The following CEP76 variants were observed in gnomAD, a reference collection of about 807,000 sequenced individuals.
CEP76 encodes centrosomal protein of 76 kDa.
A neutral mutation model predicts 83.3 loss-of-function variants in CEP76; 55 were observed. That is an observed-to-expected ratio of 0.66 (90% CI 0.53 to 0.83). The LOEUF is 0.83. Ranked by LOEUF, CEP76 falls within the 40% of genes least tolerant of loss-of-function variation. The pLI, the probability that CEP76 is intolerant of heterozygous loss-of-function variation, is 0.00. For missense variants in CEP76, 694 were observed against 799.5 expected, an observed-to-expected ratio of 0.87 and a Z score of 1.59; for synonymous variants, 270 against 274.5, an observed-to-expected ratio of 0.98 and a Z score of 0.16.
intron 8 of CEP76, among the ~76,000 whole-genome samples, chr18:12,683,186 C>CAAAAAAAAAAAAAAAAAAAAAAAA (rs765652085): frequency 1.6e-4 from 10 of 63,678 alleles, no homozygotes; most frequent in Non-Finnish European, 2.2e-4. Context: ...CTAAAAATAC[C>CAAAAAAAAAAAAAAAAAAAAAAAA]AAAAAAAAAA....
At chr18:12,680,982 T>C (rs2039327210) in intron 8 of CEP76, among the ~76,000 whole-genome samples, 154 bp from the exon 9 acceptor site, 1 of 152,140 alleles carries the variant, frequency 6.6e-6, no homozygotes, top group Non-Finnish European at 1.5e-5. Context: ...GTGGATCACA[T>C]GACGTCAGGA....
intron 12 of CEP76, among the ~76,000 whole-genome samples, chr18:12,666,199 ACACCTATATTCC>A (rs2038800162): frequency 6.6e-6 from 1 of 151,920 alleles, no homozygotes; most frequent in African/African-American, 2.4e-5. Context: ...ATGGTGGCAT[ACACCTATATTCC>A]CAGCTACTTA....
rs1028788423 is a variant in CEP76 at position 12,686,164 on chromosome 18, A to C, written c.1122+98T>G. ...AACCTGTGGGTACAGAGGGTTGACT[A>C]TATGTGCATTTTTCTAAGGCATTCT... On this transcript the variant is annotated intron_variant, in intron 8 of 11. Coordinates refer to ENST00000262127, the MANE Select transcript of CEP76 (RefSeq NM_024899.4). 6.5e-6 allele frequency: 6 copies of C among 925,666 alleles called. No homozygotes were observed. In the African/African-American group the frequency reaches 8.3e-5, roughly 13 times the overall value. 57.3% of individuals were successfully genotyped at this position (925,666 alleles called of 1,614,324 possible). A position where few individuals can be genotyped will look rare whatever the true frequency, so the allele number is the denominator to read the frequency against.
rs919389028 is a variant in CEP76 at position 12,674,428 on chromosome 18, C to T, written c.1841+108G>A. 12 of 765,610 alleles carry T rather than the reference C, an allele frequency of 1.6e-5. No homozygotes were observed. In the African/African-American group the frequency reaches 1.9e-4, roughly 12 times the overall value. The allele number at this position is 765,610 out of a possible 1,614,324, so 47.4% of individuals were successfully genotyped here. On this transcript the variant is annotated intron_variant, in intron 11 of 11. Transcript: ENST00000262127. ...CTGTACTCCAGCATGGGCAGCAGAGCAAGACCTTGAGTTAAAAAAAAAAAA... is the reference window on the plus strand; with the variant it reads ...CTGTACTCCAGCATGGGCAGCAGAGTAAGACCTTGAGTTAAAAAAAAAAAA...
At position 12,680,951 on chromosome 18, in the gene CEP76, C is replaced by CA. The variant is rs918920016; in HGVS notation, c.1123-124dup. The CA allele has an allele frequency of 2.8e-5, 25 of 879,404 alleles. No homozygotes were observed. In the African/African-American group the frequency reaches 4.3e-4, roughly 15 times the overall value. 54.5% of individuals were successfully genotyped at this position (879,404 alleles called of 1,614,324 possible). On this transcript the variant is annotated intron_variant, in intron 8 of 11. Transcript: ENST00000262127. ...CAGTGGCTCACGCCTGTAATCCCAA[C>CA]ACTTTGGGAGGCCAAGGCGGGTGGA... is the stretch of plus-strand genomic sequence containing the variant.
chr18:12,700,975 C>T lies in CEP76; in HGVS notation c.202G>A (p.Glu68Lys). 1 of 1,613,242 alleles carries T rather than the reference C, an allele frequency of 6.2e-7. No individual in the cohort carries two copies. The highest frequency in any genetic ancestry group is 1.3e-5 in the African/African-American group (1 of 75,006). ...TTACTCACAGTAACAAAATTAAGTTCTTTCATCACATCGTCAATGATTCCT... is the reference window on the plus strand; with the variant it reads ...TTACTCACAGTAACAAAATTAAGTTTTTTCATCACATCGTCAATGATTCCT... ...RRGIIDDVMK[E>K]LNFVTDSVEQ... The change falls in exon 2 of 12, where the codon GAA becomes AAA. Residue 68 changes from glutamate (E) to lysine (K), a missense_variant. Glu to Lys is a moderately conservative substitution (Grantham distance 56, BLOSUM62 1). Transcript: ENST00000262127.
chr18:12,680,686 A>G lies in CEP76; in HGVS notation c.1265T>C (p.Phe422Ser), dbSNP rs1447649768. 1 of 1,612,712 alleles carries G rather than the reference A, an allele frequency of 6.2e-7. No individual in the cohort carries two copies. Among genetic ancestry groups the G allele is most frequent in the East Asian group, 2.2e-5 (1 of 44,794 alleles). The change falls in exon 9 of 12, where the codon TTT becomes TCT. Residue 422 changes from phenylalanine to serine, a missense_variant. Coordinates refer to ENST00000262127, the MANE Select transcript of CEP76 (RefSeq NM_024899.4). ...CCTGTGTCCTGTTAAACTCTCCCAA[A>G]AAGTGATGGCCCCATCAGTTCCACA... The part of the protein sequence containing the change: ...MTCGTDGAIT[F>S]WESLTGHRYI...
chr18:12,695,464 TA>T (rs1408864140), intron 5 of CEP76, 113 bp from the exon 6 acceptor site: 4 of 480,498 alleles, frequency 8.3e-6, no homozygotes, highest in Non-Finnish European at 1.5e-5. Context: ...TTACATGGAA[TA>T]AAGATAACAT....
intron 1 of CEP76, among the ~76,000 whole-genome samples, chr18:12,702,121 C>G (rs2040176498): frequency 6.6e-6 from 1 of 152,162 alleles, no homozygotes; most frequent in South Asian, 2.1e-4. Flanking sequence ...GAGACTCCGT[C>G]TCAAGAAAGA....
chr18:12,701,775 G>A (rs2040161083), intron 1 of CEP76, among the ~76,000 whole-genome samples: 1 of 152,172 alleles, frequency 6.6e-6, no homozygotes, highest in Non-Finnish European at 1.5e-5. Flanking sequence ...ACTTATTTGA[G>A]AATTGCTGAT....
chr18:12,687,332 G>GA (rs975951123), intron 7 of CEP76, among the ~76,000 whole-genome samples: 5 of 149,016 alleles, frequency 3.4e-5, no homozygotes, highest in South Asian at 2.1e-4. Flanking sequence ...CTTTAGCAAG[G>GA]AAAAAAAAAC....
Position 12,678,116 on chromosome 18 carries a change from T to C in CEP76, c.1616A>G (p.His539Arg). The change falls in exon 10 of 12, where the codon CAC becomes CGC. Residue 539 changes from histidine (H) to arginine (R), a missense_variant. Transcript: ENST00000262127. ...EMQLRLLVSE[H>R]RKDLGLTTVW... ...TATTTCAGTGTGAATTACCTTCCTG[T>C]GTTCTGACACCAGGAGCCTCAGCTG... The C allele has an allele frequency of 6.2e-7, 1 of 1,608,734 alleles. No homozygotes were observed. Among genetic ancestry groups the C allele is most frequent in the Non-Finnish European group, 8.5e-7 (1 of 1,175,172 alleles).
rs542145323 is a variant in CEP76 at position 12,678,785 on chromosome 18, G to A, written c.1290-343C>T. On this transcript the variant is annotated intron_variant, in intron 9 of 11. Transcript: ENST00000262127. ...AACCTGACCAACATGGTGAAACCCC[G>A]TCTCTGCTAAAAATACAAAAATTAG... 8.6e-5 allele frequency among the ~76,000 whole-genome samples: 13 copies of A among 151,986 alleles called. No homozygotes were observed. In the East Asian group the frequency reaches 9.7e-4, roughly 11 times the overall value.
chr18:12,695,565 C>T (rs1427525735), intron 5 of CEP76, among the ~76,000 whole-genome samples: 1 of 151,902 alleles, frequency 6.6e-6, no homozygotes, highest in Non-Finnish European at 1.5e-5. Context: ...ATTTTCTTAG[C>T]TTTCTGACAC....
At chr18:12,689,832 C>T (rs1014809144) in intron 7 of CEP76, among the ~76,000 whole-genome samples, 1 of 152,110 alleles carries the variant, frequency 6.6e-6, no homozygotes, top group Non-Finnish European at 1.5e-5. Flanking sequence ...CTCTGTTGCC[C>T]AGGCTGGAGT....
chr18:12,665,751 G>A (rs1036681487), intron 12 of CEP76, among the ~76,000 whole-genome samples: 4 of 152,082 alleles, frequency 2.6e-5, no homozygotes, highest in African/African-American at 9.7e-5. Flanking sequence ...AGACTGGAGT[G>A]CATTGGCACA....
chr18:12,669,604 T>A (rs1467195875), downstream of CEP76, among the ~76,000 whole-genome samples: 1 of 152,318 alleles, frequency 6.6e-6, no homozygotes, highest in Non-Finnish European at 1.5e-5. Flanking sequence ...ATACATATTG[T>A]CAAGAACACC....
downstream of CEP76, among the ~76,000 whole-genome samples, chr18:12,671,915 G>C (rs775889604): frequency 1.9e-4 from 29 of 152,140 alleles, no homozygotes; most frequent in South Asian, 1.2e-3. Flanking sequence ...CCGCCTCCCA[G>C]GTTCAAGCGA....
chr18:12,667,788 GAAAAT>G (rs2038833986), downstream of CEP76, among the ~76,000 whole-genome samples: 1 of 130,432 alleles, frequency 7.7e-6, no homozygotes, highest in Non-Finnish European at 1.6e-5. Context: ...GAAAAGAAAA[GAAAAT>G]ATAATATTCA....
Sources: gnomAD v4.1 joint callset for allele counts (sites outside exome capture counted in the v4.1 genomes callset) on GRCh38, gnomAD v4.1.1 for gene constraint, MANE v1.5 for transcripts, NCBI Gene and HGNC (gene_info 2026-07-23, HGNC 2026-07-21) for gene names.